RBMS1: variants seen among roughly 807,000 people sequenced by gnomAD.
The protein encoded by RBMS1 is RNA-binding motif, single-stranded-interacting protein 1.
In RBMS1, 17 loss-of-function variants were observed where a neutral mutation model predicts 62.3. The observed-to-expected ratio is 0.27, with a 90% CI of 0.19 to 0.41. The LOEUF is 0.41. RBMS1 is among the 10% of genes least tolerant of loss of function. The probability of loss-of-function intolerance (pLI) is 1.00; values close to 1 mark genes in which losing one functional copy is unlikely to be tolerated. For missense variants in RBMS1, 334 were observed against 504.5 expected (o/e 0.66, Z 3.24); for synonymous variants, 172 against 170.0 (o/e 1.01, Z -0.09).
chr2:160,379,464 G>A (rs916554226), intron 1 of RBMS1, among the ~76,000 whole-genome samples: 1 of 152,136 alleles, frequency 6.6e-6, no homozygotes, highest in African/African-American at 2.4e-5. Context: ...TCACTTTAGT[G>A]GTGATGGTAT....
chr2:160,379,644 T>C (rs180974259), intron 1 of RBMS1, among the ~76,000 whole-genome samples: 137 of 152,368 alleles, frequency 9.0e-4, no homozygotes, highest in African/African-American at 3.1e-3. Flanking sequence ...TGCAACATTT[T>C]TTCTTTTCGT....
chr2:160,463,509 CGCGGTG>C (rs1439456611), intron 1 of RBMS1, among the ~76,000 whole-genome samples: 2 of 152,136 alleles, frequency 1.3e-5, no homozygotes, highest in Admixed American at 1.3e-4. Flanking sequence ...TGCGGCCGGG[CGCGGTG>C]GCTCAGGCCT....
rs564504281 is a variant in RBMS1, at chr2:160,371,665, C to T, written c.76-4274G>A. Reference sequence around the variant, plus strand: ...TATTAGACCCTCAGCCTTTCCTGCACGAGTGGTTTGGCACCATCAGGAAGA... The same window carrying T: ...TATTAGACCCTCAGCCTTTCCTGCATGAGTGGTTTGGCACCATCAGGAAGA... On this transcript the variant is annotated intron_variant, in intron 1 of 13. Transcript: ENST00000348849. 3.2e-4 allele frequency among the ~76,000 whole-genome samples: 48 copies of T among 152,316 alleles called. 1 individual carries two copies. The South Asian group carries it at 9.3e-3, about 30-fold the overall frequency.
At chr2:160,443,230 A>AC (rs907774064) in intron 1 of RBMS1, among the ~76,000 whole-genome samples, 1 of 151,928 alleles carries the variant, frequency 6.6e-6, no homozygotes, top group African/African-American at 2.4e-5. Context: ...AAACAAAAAA[A>AC]AAAACCTTGA....
intron 12 of RBMS1, among the ~76,000 whole-genome samples, chr2:160,276,486 G>C (rs1687842045): frequency 6.6e-6 from 1 of 152,246 alleles, no homozygotes; most frequent in Admixed American, 6.5e-5. Context: ...TCTGCCTAGT[G>C]GGCAAGATCA....
intron 1 of RBMS1, among the ~76,000 whole-genome samples, chr2:160,469,412 T>C (rs369302614): frequency 2.6e-4 from 39 of 152,286 alleles, no homozygotes; most frequent in Admixed American, 7.8e-4. Flanking sequence ...CAGGCTTCCC[T>C]GGAGTCCGCC....
At chr2:160,407,690 C>T (rs1267238300) in intron 1 of RBMS1, 1 of 981,830 alleles carries the variant, frequency 1.0e-6, no homozygotes, top group African/African-American at 1.8e-5. Flanking sequence ...GGGGCTGCAG[C>T]TCCGCGCTGA....
intron 1 of RBMS1, among the ~76,000 whole-genome samples, chr2:160,479,441 G>C (rs1304228035): frequency 6.6e-6 from 1 of 152,230 alleles, no homozygotes; most frequent in Non-Finnish European, 1.5e-5. Flanking sequence ...CTGACTGCCA[G>C]GTGACCTCAG....
chr2:160,414,700 G>C (rs62177350), intron 1 of RBMS1, among the ~76,000 whole-genome samples: 13,088 of 151,938 alleles, frequency 0.086, 741 homozygotes, highest in South Asian at 0.18. Flanking sequence ...TTGGCATAAG[G>C]GTTATCTATA....
intron 1 of RBMS1, among the ~76,000 whole-genome samples, chr2:160,482,343 T>C (rs1685404821): frequency 6.6e-6 from 1 of 152,250 alleles, no homozygotes. Flanking sequence ...GGAAATGTTA[T>C]ATCATCACCT....
At chr2:160,467,061 G>A (rs1684725394) in intron 1 of RBMS1, among the ~76,000 whole-genome samples, 1 of 152,154 alleles carries the variant, frequency 6.6e-6, no homozygotes, top group African/African-American at 2.4e-5. Context: ...TATCCAGGGA[G>A]AGAGCATTAG....
chr2:160,374,825 G>T (rs1693908298), intron 1 of RBMS1, among the ~76,000 whole-genome samples: 1 of 152,032 alleles, frequency 6.6e-6, no homozygotes, highest in Non-Finnish European at 1.5e-5. Context: ...AGCTACTTGG[G>T]AGGCTGAGGC....
At chr2:160,493,144 A>G (rs1369563546) in intron 1 of RBMS1, 145 bp downstream of exon 1, 1 of 753,042 alleles carries the variant, frequency 1.3e-6, no homozygotes, top group Non-Finnish European at 2.1e-6. Flanking sequence ...GGCTCTGCCC[A>G]GGCCAGCGCT....
At chr2:160,277,633 A>G (rs984440418) in intron 11 of RBMS1, 20 of 365,068 alleles carry the variant, frequency 5.5e-5, no homozygotes, top group African/African-American at 2.1e-5. Flanking sequence ...AAGATAAAAA[A>G]AGTTTATTAT....
At chr2:160,455,423 C>T (rs1684177629) in intron 1 of RBMS1, among the ~76,000 whole-genome samples, 1 of 152,116 alleles carries the variant, frequency 6.6e-6, no homozygotes, top group African/African-American at 2.4e-5. Flanking sequence ...AATGTTACAA[C>T]TAGAAAGGGT....
chr2:160,386,669 A>C (rs561445013), intron 1 of RBMS1, among the ~76,000 whole-genome samples: 89 of 152,150 alleles, frequency 5.8e-4, no homozygotes, highest in Non-Finnish European at 1.0e-3. Context: ...TGCCACATGA[A>C]AATACAGCAG....
At chr2:160,445,804 G>T (rs1327101492) in intron 1 of RBMS1, among the ~76,000 whole-genome samples, 1 of 152,142 alleles carries the variant, frequency 6.6e-6, no homozygotes, top group Admixed American at 6.5e-5. Flanking sequence ...TAAGCTATCT[G>T]GTTTTTATAA....
chr2:160,424,675 A>G (rs1192880875), intron 1 of RBMS1, among the ~76,000 whole-genome samples: 1 of 152,198 alleles, frequency 6.6e-6, no homozygotes, highest in African/African-American at 2.4e-5. Flanking sequence ...TTAAAAAAAT[A>G]CATATTTGGG....
chr2:160,306,872 A>G (rs536889378), intron 4 of RBMS1, among the ~76,000 whole-genome samples: 54 of 152,298 alleles, frequency 3.5e-4, no homozygotes, highest in South Asian at 1.4e-3. Flanking sequence ...CTTTAAAAGC[A>G]GTGACAACCA....
Sources: allele counts gnomAD v4.1 joint callset (sites outside exome capture counted in the v4.1 genomes callset), GRCh38; gene constraint gnomAD v4.1.1; transcripts MANE v1.5; gene names NCBI Gene and HGNC (gene_info 2026-07-23, HGNC 2026-07-21).